Variants in CUBN observed in about 807,000 individuals in gnomAD.
CUBN encodes the protein 460 kDa receptor.
Under a neutral mutation model 405.3 loss-of-function variants are expected in CUBN, and 282 were observed. That is an observed-to-expected ratio of 0.70 (90% CI 0.63 to 0.77). CUBN has a LOEUF of 0.77. Ranked by LOEUF, CUBN falls within the 30% of genes least tolerant of loss-of-function variation. The pLI, the probability that CUBN is intolerant of heterozygous loss-of-function variation, is 0.00. For synonymous variants in CUBN, 1,684 were observed against 1,617.0 expected (o/e 1.04, Z -0.99); for missense variants, 4,514 against 4,475.2 (o/e 1.01, Z -0.25).
chr10:17,110,909 G>A lies in CUBN; in HGVS notation c.1015+10C>T, dbSNP rs761519288. 111 of 1,614,184 alleles carry A rather than the reference G, an allele frequency of 6.9e-5. No homozygotes were observed. In the East Asian group the frequency reaches 1.6e-3, roughly 24 times the overall value. On this transcript the variant is annotated intron_variant, in intron 9 of 66. Transcript: ENST00000377833. Reference sequence around the variant, plus strand: ...GGGGTCAGGAGGTTGACATTGAACCGAGGCAGCACCTGGTGGACAGGCCTG... The same window carrying A: ...GGGGTCAGGAGGTTGACATTGAACCAAGGCAGCACCTGGTGGACAGGCCTG...
Position 17,110,863 on chromosome 10 carries a change from T to C in CUBN, c.1015+56A>G, listed in dbSNP as rs558557953. On this transcript the variant is annotated intron_variant, in intron 9 of 66. Coordinates refer to ENST00000377833, the MANE Select transcript of CUBN (RefSeq NM_001081.4). ...AATGGAGCACTAGATTCCGTATTCC[T>C]ATGTCTGTGTTCCCTGTGCTGGGGT... 5.0e-5 allele frequency: 81 copies of C among 1,612,356 alleles called. No homozygotes were observed. The African/African-American group carries it at 1.0e-3, about 20-fold the overall frequency.
At chr10:16,885,276 T>C (rs1490865136) in intron 56 of CUBN, among the ~76,000 whole-genome samples, 2 of 152,296 alleles carry the variant, frequency 1.3e-5, no homozygotes, top group African/African-American at 2.4e-5. Context: ...AGTTTGAAAA[T>C]GCTGAACACT....
In CUBN at chr10:17,061,757, C is replaced by T. The variant is rs534006644; in HGVS notation, c.3139+3751G>A. On this transcript the variant is annotated intron_variant, in intron 22 of 66. Transcript: ENST00000377833. ...TTCCCTGGACAATTGTGAAGGTTTT[C>T]GCTTTGCAGGAAATATGAAAAATCC... Among the ~76,000 whole-genome samples, 83 of 152,238 alleles carry T rather than the reference C, an allele frequency of 5.5e-4. 1 individual carries two copies. The South Asian group carries it at 0.017, about 31-fold the overall frequency.
Position 16,952,259 on chromosome 10 carries a change from T to C in CUBN, c.4969+17A>G. 6.3e-7 allele frequency: 1 copy of C among 1,584,102 alleles called. No homozygotes were observed. Among genetic ancestry groups the C allele is most frequent in the Non-Finnish European group, 8.7e-7 (1 of 1,153,180 alleles). On this transcript the variant is annotated intron_variant, in intron 33 of 66. Transcript: ENST00000377833. ...TTCTCTCCTGTGTGCCTTTTCTTTT[T>C]CATTTTTGTTACTTACATGGAGGTT...
At chr10:16,853,325 T>A (rs1403558105) in intron 59 of CUBN, among the ~76,000 whole-genome samples, 1 of 152,228 alleles carries the variant, frequency 6.6e-6, no homozygotes, top group Non-Finnish European at 1.5e-5. Context: ...AGTTCCAAAG[T>A]TAAACTTCGC....
At chr10:16,863,945 C>T (rs1213967642) in intron 59 of CUBN, among the ~76,000 whole-genome samples, 1 of 152,132 alleles carries the variant, frequency 6.6e-6, no homozygotes, top group Non-Finnish European at 1.5e-5. Flanking sequence ...TGAGTGTGAT[C>T]CGGTATTCCT....
At chr10:16,990,772 T>C (rs906321120) in intron 28 of CUBN, among the ~76,000 whole-genome samples, 1 of 152,220 alleles carries the variant, frequency 6.6e-6, no homozygotes, top group Admixed American at 6.5e-5. Flanking sequence ...TCCTTTTTCT[T>C]ACCATATCAA....
rs765888067 is a variant in CUBN, at chr10:17,084,428, G to A, written c.2144C>T (p.Pro715Leu). ...DLRCGGNYTDPEGELFLPELS... is the reference protein window; with the variant it reads ...DLRCGGNYTDLEGELFLPELS... ...CTCAGGCAAGAAGAGTTCACCCTCT[G>A]GGTCCGTGTAGTTCCCACCACAACG... The change falls in exon 17 of 67, where the codon CCA becomes CTA. Residue 715 changes from proline (P) to leucine (L), a missense_variant. Around this residue, in one of 5 missense-constraint regions of CUBN, gnomAD observed 1,448 missense variants for 1,388.0 expected, o/e 1.04. Coordinates refer to ENST00000377833, the MANE Select transcript of CUBN (RefSeq NM_001081.4). The A allele has an allele frequency of 6.2e-6, 10 of 1,613,694 alleles. No homozygotes were observed. The East Asian group carries it at 2.2e-4, about 36-fold the overall frequency.
chr10:17,073,983 G>A (rs1451265575), intron 17 of CUBN, among the ~76,000 whole-genome samples: 1 of 152,196 alleles, frequency 6.6e-6, no homozygotes, highest in African/African-American at 2.4e-5. Flanking sequence ...CATTTTTGGA[G>A]GTGAAACACT....
intron 8 of CUBN, among the ~76,000 whole-genome samples, chr10:17,112,369 T>C (rs539637258): frequency 1.3e-4 from 20 of 152,172 alleles, no homozygotes; most frequent in African/African-American, 4.8e-4. Context: ...CATATTTTTG[T>C]AGTGATATTT....
At chr10:17,124,051 T>C (rs1451408574) in intron 4 of CUBN, among the ~76,000 whole-genome samples, 1 of 152,180 alleles carries the variant, frequency 6.6e-6, no homozygotes, top group Non-Finnish European at 1.5e-5. Context: ...GATGTTGCTA[T>C]TGCACAAAGA....
chr10:17,044,914 T>C, intron 25 of CUBN, 93 bp downstream of exon 25: 2 of 1,243,428 alleles, frequency 1.6e-6, no homozygotes, highest in Non-Finnish European at 2.4e-6. Flanking sequence ...GTTTAGATGC[T>C]CCCCTTTCCT....
At chr10:16,825,704 TCA>T (rs1197606846) in intron 66 of CUBN, among the ~76,000 whole-genome samples, 3 of 151,278 alleles carry the variant, frequency 2.0e-5, no homozygotes, top group African/African-American at 7.3e-5. Context: ...CCGTTGTCTC[TCA>T]CTTTCTATTC....
At chr10:17,062,464 T>C (rs1835524409) in intron 22 of CUBN, among the ~76,000 whole-genome samples, 1 of 152,368 alleles carries the variant, frequency 6.6e-6, no homozygotes, top group South Asian at 2.1e-4. Context: ...GTAGTTTGAA[T>C]GAGCAAAATC....
rs775742147 is a variant in CUBN at position 16,825,022 on chromosome 10, C to G, written c.10825G>C (p.Asp3609His). The G allele has an allele frequency of 5.0e-6, 8 of 1,613,698 alleles. No homozygotes were observed. Among genetic ancestry groups the G allele is most frequent in the Non-Finnish European group, 6.8e-6 (8 of 1,179,948 alleles). The change falls in exon 67 of 67, where the codon GAT (aspartate) becomes CAT (histidine). Residue 3609 changes from aspartate to histidine, a missense_variant. Physicochemically the swap from Asp to His is moderately conservative, Grantham distance 81. Around this residue, in one of 5 missense-constraint regions of CUBN, gnomAD observed 1,186 missense variants for 1,186.9 expected, o/e 1.00. Transcript: ENST00000377833. ...SNQVFIKFHADYARRPSAFRL... is the reference protein window; with the variant it reads ...SNQVFIKFHAHYARRPSAFRL... ...AATGCGGATGGACGCCGTGCATAAT[C>G]AGCATGAAATTTTATGAAGACCTGA...
intron 36 of CUBN, among the ~76,000 whole-genome samples, chr10:16,942,272 A>G (rs1242276729): frequency 6.6e-6 from 1 of 152,164 alleles, no homozygotes; most frequent in Non-Finnish European, 1.5e-5. Flanking sequence ...ATAAAATTAA[A>G]TGTACATCCA....
At chr10:17,059,261 C>T (rs1156971415) in intron 22 of CUBN, among the ~76,000 whole-genome samples, 1 of 152,078 alleles carries the variant, frequency 6.6e-6, no homozygotes, top group Non-Finnish European at 1.5e-5. Context: ...TTTTGTAACA[C>T]AGGACTTGGC....
chr10:17,123,647 C>A lies in CUBN; in HGVS notation c.430G>T (p.Gly144Cys), dbSNP rs772972491. Reference sequence around the variant, plus strand: ...TCATGCAGATTGAGGCAGGTTCCACCATTCTGGCAAGGATTGCTGCTGCAA... The same window carrying A: ...TCATGCAGATTGAGGCAGGTTCCACAATTCTGGCAAGGATTGCTGCTGCAA... ...KVCSSNPCQN[G>C]GTCLNLHDSF... The change falls in exon 5 of 67, where the codon GGT (glycine) becomes TGT (cysteine). Residue 144 changes from glycine to cysteine, a missense_variant. Transcript: ENST00000377833. 2 of 1,614,038 alleles carry A rather than the reference C, an allele frequency of 1.2e-6. No individual in the cohort carries two copies. The highest frequency in any genetic ancestry group is 2.2e-5 in the East Asian group (1 of 44,876).
rs1206389842 is a variant in CUBN at position 16,950,097 on chromosome 10, G to A, written c.4984C>T (p.Leu1662Phe). The change falls in exon 34 of 67, where the codon CTC becomes TTC. Residue 1662 changes from leucine (L) to phenylalanine (F), a missense_variant. Coordinates refer to ENST00000377833, the MANE Select transcript of CUBN (RefSeq NM_001081.4). ...QAQPPLNHIT[L>F]SFTHFELERS... The stretch of plus-strand genomic sequence containing the variant: ...TCAAGTTCAAAGTGGGTAAAAGAGA[G>A]GGTGATATGATTTACTGGAAGAAAA... 8.1e-6 allele frequency: 13 copies of A among 1,613,060 alleles called. No homozygotes were observed. In the Admixed American group the frequency reaches 2.0e-4, roughly 25 times the overall value.
Sources: allele counts gnomAD v4.1 joint callset (sites outside exome capture counted in the v4.1 genomes callset), GRCh38; gene constraint gnomAD v4.1.1; regional missense constraint gnomAD v4.1.1; transcripts MANE v1.5; gene names NCBI Gene and HGNC (gene_info 2026-07-23, HGNC 2026-07-21).